The following ACAP2 variants were observed in gnomAD, a reference collection of about 807,000 sequenced individuals.
The protein encoded by ACAP2 is arf-GAP with coiled-coil, ANK repeat and PH domain-containing protein 2.
In ACAP2, 39 loss-of-function variants were observed where a neutral mutation model predicts 115.8. The ratio of observed to expected loss-of-function variants is 0.34; its 90% CI spans 0.26 to 0.44. The LOEUF is 0.44. Among genes scored for constraint, ACAP2 ranks in the 20% least tolerant of loss-of-function variants. The pLI, the probability that ACAP2 is intolerant of heterozygous loss-of-function variation, is 1.00. For missense variants in ACAP2, 662 were observed against 927.6 expected (o/e 0.71, Z 3.72); for synonymous variants, 289 against 315.8 (o/e 0.92, Z 0.90).
intron 6 of ACAP2, among the ~76,000 whole-genome samples, chr3:195,339,626 G>A (rs893544375): frequency 7.2e-5 from 11 of 151,844 alleles, no homozygotes; most frequent in African/African-American, 1.4e-4. Context: ...CTCTAAAGTA[G>A]ACATAAATGA....
Position 195,370,952 on chromosome 3 carries a change from C to CAAAA in ACAP2, c.285+10053_285+10056dup, listed in dbSNP as rs35365512. 1.6e-4 allele frequency among the ~76,000 whole-genome samples: 17 copies of CAAAA among 104,322 alleles called. No homozygotes were observed. The South Asian group carries it at 2.5e-3, about 15-fold the overall frequency. 68.4% of individuals were successfully genotyped at this position (104,322 alleles called of 152,430 possible). On this transcript the variant is annotated intron_variant, in intron 4 of 22. Transcript: ENST00000326793. ...GGGCAGCTAGAGTGAAACTCTGTCT[C>CAAAA]AAAAAAAAAAAAAAAAAAAATAGTT...
At chr3:195,339,986 C>A (rs945100891) in intron 6 of ACAP2, among the ~76,000 whole-genome samples, 1 of 151,344 alleles carries the variant, frequency 6.6e-6, no homozygotes, top group South Asian at 2.1e-4. Flanking sequence ...TACAAAAATA[C>A]GGCAACACAG....
intron 1 of ACAP2, among the ~76,000 whole-genome samples, chr3:195,410,471 T>A (rs1321023266): frequency 6.6e-6 from 1 of 152,096 alleles, no homozygotes; most frequent in Non-Finnish European, 1.5e-5. Flanking sequence ...AAAAAATCCA[T>A]CCACAGAATG....
chr3:195,324,978 G>GA (rs1302152258), intron 9 of ACAP2, among the ~76,000 whole-genome samples: 1 of 152,066 alleles, frequency 6.6e-6, no homozygotes, highest in East Asian at 1.9e-4. Flanking sequence ...AAGATTAACA[G>GA]ACGTTTTACA....
chr3:195,435,930 A>G (rs1349320643), intron 1 of ACAP2, among the ~76,000 whole-genome samples: 2 of 151,986 alleles, frequency 1.3e-5, no homozygotes, highest in Non-Finnish European at 1.5e-5. Context: ...TGTTCCACCC[A>G]TTATTGGAAG....
intron 4 of ACAP2, among the ~76,000 whole-genome samples, chr3:195,369,943 T>C (rs1733005713): frequency 6.6e-6 from 1 of 152,192 alleles, no homozygotes; most frequent in Admixed American, 6.5e-5. Context: ...TTTTTATTAA[T>C]ACCTATTCTG....
chr3:195,363,785 C>G (rs1732531009), intron 4 of ACAP2, among the ~76,000 whole-genome samples: 2 of 151,982 alleles, frequency 1.3e-5, no homozygotes, highest in African/African-American at 4.8e-5. Flanking sequence ...ACCAAAGGAA[C>G]AGAATAGAGA....
chr3:195,334,571 T>C (rs1394126437), intron 7 of ACAP2, among the ~76,000 whole-genome samples: 1 of 152,012 alleles, frequency 6.6e-6, no homozygotes, highest in Non-Finnish European at 1.5e-5. Flanking sequence ...ACAAAGGACA[T>C]ATGAGGTACA....
At chr3:195,280,703 T>G (rs1213147199) in intron 22 of ACAP2, 2 of 152,160 alleles carry the variant, frequency 1.3e-5, no homozygotes, top group East Asian at 3.9e-4. Flanking sequence ...ATTTTTCTTG[T>G]CATGAGAAAC....
intron 21 of ACAP2, among the ~76,000 whole-genome samples, chr3:195,287,706 C>T (rs1195991858): frequency 1.3e-5 from 2 of 152,154 alleles, no homozygotes. Flanking sequence ...ATGCAACTAT[C>T]CTGCCTACAG....
intron 1 of ACAP2, among the ~76,000 whole-genome samples, chr3:195,408,242 G>T (rs1712956243): frequency 6.6e-6 from 1 of 152,096 alleles, no homozygotes. Context: ...CAGGCGGTCT[G>T]CTTTCAGCTC....
chr3:195,419,100 C>T (rs956243553), intron 1 of ACAP2, among the ~76,000 whole-genome samples: 1 of 152,060 alleles, frequency 6.6e-6, no homozygotes, highest in Non-Finnish European at 1.5e-5. Flanking sequence ...AATTCAAATA[C>T]CATACCCATT....
chr3:195,360,148 T>C (rs530904354), intron 4 of ACAP2, among the ~76,000 whole-genome samples: 2 of 151,314 alleles, frequency 1.3e-5, no homozygotes, highest in East Asian at 3.9e-4. Flanking sequence ...ATCTCACCTA[T>C]AAAGACAAAA....
Position 195,416,086 on chromosome 3 carries a change from G to A in ACAP2, c.54-23939C>T, listed in dbSNP as rs151173512. 2.0e-3 allele frequency among the ~76,000 whole-genome samples: 309 copies of A among 152,284 alleles called. 1 individual carries two copies. Among genetic ancestry groups the A allele is most frequent in the African/African-American group, 6.4e-3 (265 of 41,562 alleles). ...ATGTCAGATGGGCGTGGTGGCTCAC[G>A]CCTGTAATCCCAGCACTTTGGGAGG... On this transcript the variant is annotated intron_variant, in intron 1 of 22. Coordinates refer to ENST00000326793, the MANE Select transcript of ACAP2 (RefSeq NM_012287.6).
intron 1 of ACAP2, among the ~76,000 whole-genome samples, chr3:195,411,968 T>C (rs2108812389): frequency 6.6e-6 from 1 of 151,160 alleles, no homozygotes; most frequent in African/African-American, 2.4e-5. Flanking sequence ...GGTAAAGGAT[T>C]ATATCATCAC....
intron 21 of ACAP2, among the ~76,000 whole-genome samples, chr3:195,286,649 C>A (rs1726863166): frequency 6.6e-6 from 1 of 152,192 alleles, no homozygotes; most frequent in Non-Finnish European, 1.5e-5. Context: ...CAAAGTTCCA[C>A]AATTCCCTTT....
rs569961829 is a variant in ACAP2 at position 195,383,536 on chromosome 3, T to C, written c.112-1514A>G. ...TTAATTATAGATAAAGATTTAAACA[T>C]AAAAACAGAATCAGAAATCAAAGAG... On this transcript the variant is annotated intron_variant, in intron 2 of 22. Transcript: ENST00000326793. 5.7e-4 allele frequency among the ~76,000 whole-genome samples: 86 copies of C among 149,714 alleles called. No homozygotes were observed. In the Middle Eastern group the frequency reaches 0.017, roughly 30 times the overall value.
intron 15 of ACAP2, among the ~76,000 whole-genome samples, chr3:195,297,518 A>C (rs1727734385): frequency 6.6e-6 from 1 of 152,174 alleles, no homozygotes; most frequent in Admixed American, 6.5e-5. Flanking sequence ...CCCCCACCAG[A>C]GTCATTCTCT....
At chr3:195,418,300 C>G (rs1205182259) in intron 1 of ACAP2, among the ~76,000 whole-genome samples, 1 of 152,160 alleles carries the variant, frequency 6.6e-6, no homozygotes, top group Non-Finnish European at 1.5e-5. Context: ...ATCACTTACA[C>G]TGTAATTTAA....
Sources: gnomAD v4.1 joint callset for allele counts (sites outside exome capture counted in the v4.1 genomes callset) on GRCh38, gnomAD v4.1.1 for gene constraint, MANE v1.5 for transcripts, NCBI Gene and HGNC (gene_info 2026-07-23, HGNC 2026-07-21) for gene names.